Variants in PLCL1 observed in about 807,000 individuals in gnomAD.
The protein encoded by PLCL1 is inactive phospholipase C-like protein 1.
A neutral mutation model predicts 84.4 loss-of-function variants in PLCL1; 41 were observed. The observed-to-expected ratio is 0.49, with a 90% CI of 0.38 to 0.63. The LOEUF (loss-of-function observed/expected upper bound fraction) is 0.63. Among genes scored for constraint, PLCL1 ranks in the 30% least tolerant of loss-of-function variants. The probability of loss-of-function intolerance (pLI) is 0.00; values close to 1 mark genes in which losing one functional copy is unlikely to be tolerated. For missense variants in PLCL1, 1,206 were observed against 1,367.8 expected (o/e 0.88, Z 1.87); for synonymous variants, 490 against 488.3 (o/e 1.00, Z -0.05).
intron 1 of PLCL1, among the ~76,000 whole-genome samples, chr2:197,979,752 C>A (rs977200821): frequency 6.6e-6 from 1 of 152,218 alleles, no homozygotes; most frequent in Non-Finnish European, 1.5e-5. Flanking sequence ...CAGAAAGACC[C>A]ATGTTCTTCT....
chr2:197,922,798 C>T (rs1258093629), intron 1 of PLCL1, among the ~76,000 whole-genome samples: 14 of 117,390 alleles, frequency 1.2e-4, no homozygotes, highest in Non-Finnish European at 1.9e-4. Context: ...ACCTCCCTCC[C>T]GGACGGGGCG....
At chr2:197,838,213 A>G (rs1039627112) in intron 1 of PLCL1, among the ~76,000 whole-genome samples, 2 of 152,166 alleles carry the variant, frequency 1.3e-5, no homozygotes, top group African/African-American at 2.4e-5. Flanking sequence ...CATCTTTTAG[A>G]GTTTCAGTTT....
intron 1 of PLCL1, among the ~76,000 whole-genome samples, chr2:197,923,226 C>G (rs9750588): frequency 0.016 from 2,423 of 149,286 alleles, 13 homozygotes; most frequent in African/African-American, 0.058. Context: ...CACCTCCCTC[C>G]CGGATGGGGC....
rs544648734 is a variant in PLCL1 at position 198,110,143 on chromosome 2, T to C, written c.3105+6207T>C. On this transcript the variant is annotated intron_variant, in intron 5 of 5. Coordinates refer to ENST00000428675, the MANE Select transcript of PLCL1 (RefSeq NM_006226.4). ...CTTCAATGGTCATTCCTATTAAATA[T>C]GTATTTACACTTTTCCTGGATAGAT... Among the ~76,000 whole-genome samples, 13 of 151,996 alleles carry C rather than the reference T, an allele frequency of 8.6e-5. No homozygotes were observed. The East Asian group carries it at 2.3e-3, about 27-fold the overall frequency.
chr2:198,064,281 A>G (rs935500235), intron 1 of PLCL1, among the ~76,000 whole-genome samples: 1 of 152,308 alleles, frequency 6.6e-6, no homozygotes, highest in African/African-American at 2.4e-5. Flanking sequence ...ACCTTCCATA[A>G]GCTCATCAAA....
chr2:198,118,713 A>G (rs1693801527), intron 5 of PLCL1, among the ~76,000 whole-genome samples: 1 of 151,962 alleles, frequency 6.6e-6, no homozygotes, highest in Non-Finnish European at 1.5e-5. Context: ...GCATACTCCT[A>G]TGTCAATTGT....
intron 1 of PLCL1, among the ~76,000 whole-genome samples, chr2:198,027,434 A>G (rs1202886398): frequency 2.0e-5 from 3 of 152,202 alleles, no homozygotes; most frequent in Non-Finnish European, 2.9e-5. Context: ...ATTGTACAAC[A>G]TATTGACTAT....
intron 1 of PLCL1, among the ~76,000 whole-genome samples, chr2:197,921,283 T>C (rs1210156384): frequency 1.3e-5 from 2 of 152,204 alleles, no homozygotes; most frequent in African/African-American, 2.4e-5. Flanking sequence ...TTGGTTTATA[T>C]TGAATGATAG....
intron 5 of PLCL1, among the ~76,000 whole-genome samples, chr2:198,133,765 GCTTTTACTCTAA>G (rs1309603532): frequency 1.3e-5 from 2 of 152,250 alleles, no homozygotes; most frequent in African/African-American, 4.8e-5. Flanking sequence ...CCTCACTCAT[GCTTTTACTCTAA>G]CTTCACGTAA....
At chr2:198,050,675 A>G (rs1421910757) in intron 1 of PLCL1, among the ~76,000 whole-genome samples, 1 of 152,198 alleles carries the variant, frequency 6.6e-6, no homozygotes, top group Non-Finnish European at 1.5e-5. Flanking sequence ...TTAAGTTAAG[A>G]CTTACATATA....
chr2:197,806,806 A>C (rs1465552832), intron 1 of PLCL1, among the ~76,000 whole-genome samples: 1 of 152,230 alleles, frequency 6.6e-6, no homozygotes, highest in Non-Finnish European at 1.5e-5. Context: ...ACTGCAAGAG[A>C]CTTTAAAATA....
chr2:197,956,768 G>A (rs1457174476), intron 1 of PLCL1, among the ~76,000 whole-genome samples: 1 of 151,980 alleles, frequency 6.6e-6, no homozygotes, highest in Non-Finnish European at 1.5e-5. Context: ...TGATGAGGTC[G>A]TTTGTTTTTT....
At chr2:198,017,632 A>G (rs951942347) in intron 1 of PLCL1, among the ~76,000 whole-genome samples, 2 of 152,248 alleles carry the variant, frequency 1.3e-5, no homozygotes, top group African/African-American at 4.8e-5. Flanking sequence ...TTGTAATGAT[A>G]TTTGGCTTGT....
intron 1 of PLCL1, among the ~76,000 whole-genome samples, chr2:197,893,179 T>C (rs1447723601): frequency 6.6e-6 from 1 of 152,212 alleles, no homozygotes; most frequent in Non-Finnish European, 1.5e-5. Flanking sequence ...AAAGCAGAAT[T>C]TGGAATATCT....
intron 1 of PLCL1, among the ~76,000 whole-genome samples, chr2:197,890,713 T>C (rs540465738): frequency 5.1e-4 from 71 of 139,188 alleles, no homozygotes; most frequent in South Asian, 4.3e-3. Flanking sequence ...CACACACACA[T>C]ATACGTATAT....
At chr2:197,839,768 T>C (rs1221917892) in intron 1 of PLCL1, among the ~76,000 whole-genome samples, 2 of 152,238 alleles carry the variant, frequency 1.3e-5, no homozygotes, top group Non-Finnish European at 2.9e-5. Flanking sequence ...CATTAGACTA[T>C]TCAGCAAAAT....
intron 1 of PLCL1, among the ~76,000 whole-genome samples, chr2:197,906,346 A>G (rs913838112): frequency 2.0e-5 from 3 of 148,952 alleles, no homozygotes; most frequent in Admixed American, 1.3e-4. Context: ...TTTTTTTGTC[A>G]GGTTTGTCAA....
intron 1 of PLCL1, among the ~76,000 whole-genome samples, chr2:197,931,173 A>G (rs1688923970): frequency 6.6e-6 from 1 of 152,176 alleles, no homozygotes; most frequent in Admixed American, 6.6e-5. Context: ...TCGGAAGGGA[A>G]GATAGAGCCT....
At chr2:198,067,337 A>T (rs1692346503) in intron 1 of PLCL1, among the ~76,000 whole-genome samples, 1 of 152,090 alleles carries the variant, frequency 6.6e-6, no homozygotes, top group Admixed American at 6.5e-5. Flanking sequence ...CATGTTGGCC[A>T]GGCTGGTCTC....
Sources: allele counts gnomAD v4.1 joint callset (sites outside exome capture counted in the v4.1 genomes callset), GRCh38; gene constraint gnomAD v4.1.1; transcripts MANE v1.5; gene names NCBI Gene and HGNC (gene_info 2026-07-23, HGNC 2026-07-21).